The following ARSG variants were observed in gnomAD, a reference collection of about 807,000 sequenced individuals.
ARSG encodes the protein arylsulfatase G, also known as ASG.
A neutral mutation model predicts 50.5 loss-of-function variants in ARSG; 37 were observed. The ratio of observed to expected loss-of-function variants is 0.73; its 90% CI spans 0.56 to 0.96. ARSG has a LOEUF of 0.96. Among genes scored for constraint, ARSG ranks in the 50% least tolerant of loss-of-function variants. The probability of loss-of-function intolerance (pLI) is 0.00; values close to 1 mark genes in which losing one functional copy is unlikely to be tolerated. For synonymous variants in ARSG, 225 were observed against 254.6 expected (o/e 0.88, Z 1.11); for missense variants, 629 against 675.3 (o/e 0.93, Z 0.76).
At chr17:68,445,960 C>T in the ARSG span, among the ~76,000 whole-genome samples, 4 of 152,124 alleles carry the variant, frequency 2.6e-5, no homozygotes, top group Admixed American at 2.6e-4. Flanking sequence ...CAGGTGATTG[C>T]GATGCACACT....
intron 1 of ARSG, among the ~76,000 whole-genome samples, chr17:68,292,436 T>C (rs1030132183): frequency 6.6e-6 from 1 of 152,210 alleles, no homozygotes; most frequent in Non-Finnish European, 1.5e-5. Context: ...TGTCAGATCC[T>C]AGACATTTCA....
At chr17:68,429,683 G>A in the ARSG span, among the ~76,000 whole-genome samples, 8 of 152,056 alleles carry the variant, frequency 5.3e-5, no homozygotes, top group African/African-American at 1.9e-4. Flanking sequence ...CCGCCTCCTG[G>A]GTTCAAGCGA....
intron 2 of ARSG, among the ~76,000 whole-genome samples, chr17:68,314,418 C>A (rs988973863): frequency 6.6e-6 from 1 of 151,434 alleles, no homozygotes. Flanking sequence ...CCCAGCTACT[C>A]GGGAGGCTGA....
At chr17:68,313,783 A>G (rs2076962186) in intron 2 of ARSG, among the ~76,000 whole-genome samples, 1 of 149,678 alleles carries the variant, frequency 6.7e-6, no homozygotes, top group Non-Finnish European at 1.5e-5. Context: ...GGTTCAAGCG[A>G]TTCTCCTGCC....
At chr17:68,263,052 A>G (rs73998067) in intron 1 of ARSG, among the ~76,000 whole-genome samples, 40,846 of 152,122 alleles carry the variant, frequency 0.27, 5,866 homozygotes, top group African/African-American at 0.35. Flanking sequence ...ACACAAATAC[A>G]TGGCCACAAT....
intron 8 of ARSG, among the ~76,000 whole-genome samples, chr17:68,380,751 T>C (rs2080394543): frequency 6.6e-6 from 1 of 152,170 alleles, no homozygotes; most frequent in African/African-American, 2.4e-5. Flanking sequence ...GCCCAGATTT[T>C]CAACTGCTTG....
intron 2 of ARSG, among the ~76,000 whole-genome samples, chr17:68,331,217 CTTTCTTTCTTTCT>C (rs2077739604): frequency 7.4e-5 from 3 of 40,474 alleles, no homozygotes; most frequent in African/African-American, 3.1e-4. Flanking sequence ...TTCTTTCTTT[CTTTCTTTCTTTCT>C]TTGTTTCTTT....
chr17:68,379,487 G>A (rs1468273203), intron 8 of ARSG, among the ~76,000 whole-genome samples: 1 of 131,138 alleles, frequency 7.6e-6, no homozygotes, highest in Non-Finnish European at 1.6e-5. Context: ...TTGTTGCCCA[G>A]GCTGGTTTCG....
rs146780618 is a variant in ARSG, at chr17:68,335,319, C to T, written c.219-8285C>T. Reference sequence around the variant, plus strand: ...CTGTAATCCCAGCACTTTGGGAGGCCGAGACGGGTGGATCGCAAGGTCCGG... The same window carrying T: ...CTGTAATCCCAGCACTTTGGGAGGCTGAGACGGGTGGATCGCAAGGTCCGG... On this transcript the variant is annotated intron_variant, in intron 2 of 11. Coordinates refer to ENST00000621439, the MANE Select transcript of ARSG (RefSeq NM_001267727.2). Among the ~76,000 whole-genome samples the T allele has an allele frequency of 2.0e-3, 302 of 152,012 alleles. 2 individuals are homozygous for T. Among genetic ancestry groups the T allele is most frequent in the African/African-American group, 6.9e-3 (286 of 41,456 alleles).
chr17:68,387,125 T>G, intron 9 of ARSG, among the ~76,000 whole-genome samples: 1 of 150,972 alleles, frequency 6.6e-6, no homozygotes. Flanking sequence ...ACACATACCT[T>G]TTATTTTATT....
At chr17:68,345,369 A>G (rs891336866) in intron 3 of ARSG, among the ~76,000 whole-genome samples, 1 of 152,226 alleles carries the variant, frequency 6.6e-6, no homozygotes, top group African/African-American at 2.4e-5. Context: ...GGGCTGTCCC[A>G]GACTCAGCCC....
the ARSG span, chr17:68,450,695 A>G: frequency 6.3e-7 from 1 of 1,574,954 alleles, no homozygotes; most frequent in Admixed American, 1.9e-5. Flanking sequence ...CGTTAGCAGA[A>G]GCTTTGAAAC....
chr17:68,435,927 C>A, the ARSG span, among the ~76,000 whole-genome samples: 1 of 152,240 alleles, frequency 6.6e-6, no homozygotes, highest in African/African-American at 2.4e-5. Flanking sequence ...CCTTTTCCTG[C>A]CCTTGGGAAG....
chr17:68,271,686 A>G lies in ARSG; in HGVS notation c.-552+12260A>G. 6.4e-7 allele frequency: 1 copy of G among 1,560,188 alleles called. No individual in the cohort carries two copies. Among genetic ancestry groups the G allele is most frequent in the South Asian group, 1.1e-5 (1 of 87,778 alleles). On this transcript the variant is annotated intron_variant, in intron 1 of 11. Transcript: ENST00000448504. The surrounding 1 kb of genome is among the most constrained non-coding windows in gnomAD (Gnocchi z 5.3). Reference sequence around the variant, plus strand: ...TAGGCAGGAGTGAAGAAGAAATAATATAAGGTCAATAATGGACTCAAGACC... The same window carrying G: ...TAGGCAGGAGTGAAGAAGAAATAATGTAAGGTCAATAATGGACTCAAGACC...
At position 68,378,589 on chromosome 17, in the gene ARSG, C is replaced by A. The variant is rs1039354354; in HGVS notation, c.983-6475C>A. ...AGAAGAAGGGCACGAGTCAGACACC[C>A]CTGCTGTCTCTGAGTCCACAGCCTG... On this transcript the variant is annotated intron_variant, in intron 8 of 11. Coordinates refer to ENST00000621439, the MANE Select transcript of ARSG (RefSeq NM_001267727.2). This position sits in a 1 kb window ranked among gnomAD's most constrained non-coding sequence, Gnocchi z 4.4. Among the ~76,000 whole-genome samples the A allele has an allele frequency of 2.6e-5, 4 of 152,138 alleles. No homozygotes were observed. Among genetic ancestry groups the A allele is most frequent in the African/African-American group, 9.7e-5 (4 of 41,444 alleles).
At chr17:68,323,382 TGA>T (rs59049908) in intron 2 of ARSG, among the ~76,000 whole-genome samples, 1 of 151,750 alleles carries the variant, frequency 6.6e-6, no homozygotes, top group Non-Finnish European at 1.5e-5. Context: ...ACATACTTAA[TGA>T]GAGAGAGAGA....
chr17:68,296,492 G>A (rs1424514609), intron 1 of ARSG, among the ~76,000 whole-genome samples: 1 of 152,174 alleles, frequency 6.6e-6, no homozygotes, highest in East Asian at 1.9e-4. Flanking sequence ...GGGACGATGC[G>A]AAGAAACTAC....
chr17:68,276,308 T>C (rs1007880105), intron 1 of ARSG, among the ~76,000 whole-genome samples: 1 of 152,084 alleles, frequency 6.6e-6, no homozygotes, highest in Admixed American at 6.5e-5. Context: ...TAGAACTGCC[T>C]TGTAAAGACA....
rs2076632481 is a variant in ARSG at position 68,306,939 on chromosome 17, T to C, written c.-551-4T>C. On this transcript the variant is annotated splice_polypyrimidine_tract_variant and splice_region_variant and intron_variant, in intron 1 of 11. Transcript: ENST00000621439. Reference sequence around the variant, plus strand: ...TGTTTTCTTGTCAATTTTTGTTCTTTCAGGAAACCTTACAGAAACATGAAG... The same window carrying C: ...TGTTTTCTTGTCAATTTTTGTTCTTCCAGGAAACCTTACAGAAACATGAAG... 6.6e-6 allele frequency: 1 copy of C among 152,366 alleles called. No individual in the cohort carries two copies. The highest frequency in any genetic ancestry group is 6.5e-5 in the Admixed American group (1 of 15,282). 9.4% of individuals were successfully genotyped at this position (152,366 alleles called of 1,614,324 possible). A position where few individuals can be genotyped will look rare whatever the true frequency, so the allele number is the denominator to read the frequency against.
Sources: gnomAD v4.1 joint callset for allele counts (sites outside exome capture counted in the v4.1 genomes callset) on GRCh38, gnomAD v4.1.1 for gene constraint, Gnocchi (gnomAD v3.1) non-coding constraint, MANE v1.5 for transcripts, NCBI Gene and HGNC (gene_info 2026-07-23, HGNC 2026-07-21) for gene names.